GLTP: variants seen among roughly 807,000 people sequenced by gnomAD.
GLTP encodes glycolipid transfer protein.
Under a neutral mutation model 24.0 loss-of-function variants are expected in GLTP, and 22 were observed. That is an observed-to-expected ratio of 0.92 (90% CI 0.65 to 1.31). GLTP has a LOEUF of 1.31. Ranked by LOEUF, GLTP falls within the 50% of genes most tolerant of loss-of-function variation. The pLI is 0.00. For synonymous variants in GLTP, 92 were observed against 115.9 expected (o/e 0.79, Z 1.33); for missense variants, 224 against 276.6 (o/e 0.81, Z 1.35).
At chr12:109,852,964 C>T (rs570894949) in intron 4 of GLTP, among the ~76,000 whole-genome samples, 1 of 152,292 alleles carries the variant, frequency 6.6e-6, no homozygotes, top group African/African-American at 2.4e-5. Flanking sequence ...CCAGTCTGGG[C>T]CATCAACTAG....
intron 1 of GLTP, among the ~76,000 whole-genome samples, chr12:109,870,870 G>A (rs1188209403): frequency 6.6e-6 from 1 of 152,098 alleles, no homozygotes; most frequent in African/African-American, 2.4e-5. Flanking sequence ...CTGCCAGGGT[G>A]GAAAGCAGAG....
chr12:109,864,115 G>A (rs1008339308), intron 1 of GLTP, among the ~76,000 whole-genome samples: 2 of 152,154 alleles, frequency 1.3e-5, no homozygotes, highest in East Asian at 1.9e-4. Flanking sequence ...CAGAGCTCCC[G>A]CTCAACAGTA....
chr12:109,863,964 C>A (rs1032440186), intron 1 of GLTP, among the ~76,000 whole-genome samples: 1 of 152,218 alleles, frequency 6.6e-6, no homozygotes, highest in Non-Finnish European at 1.5e-5. Context: ...TTCTGAGCAG[C>A]CCTGCCCTGG....
Position 109,852,391 on chromosome 12 carries a change from A to AAAAAT in GLTP, c.*163_*164insATTTT. On this transcript the variant is annotated 3_prime_UTR_variant, in exon 5 of 5. Coordinates refer to ENST00000318348, the MANE Select transcript of GLTP (RefSeq NM_016433.4). ...AATAGACCAAAAAAAAAAAAAAAAAAGACTTAAAAAACGAGGGCTGTCCCC... is the reference window on the plus strand; with the variant it reads ...AATAGACCAAAAAAAAAAAAAAAAAAAAAATGACTTAAAAAACGAGGGCTGTCCCC... 1 of 523,426 alleles carries AAAAAT rather than the reference A, an allele frequency of 1.9e-6. No individual in the cohort carries two copies. The highest frequency in any genetic ancestry group is 3.4e-6 in the Non-Finnish European group (1 of 294,070). The allele number at this position is 523,426 out of a possible 1,614,324, so 32.4% of individuals were successfully genotyped here.
In GLTP at chr12:109,857,581, A is replaced by C. The variant is rs1892815758; in HGVS notation, c.241T>G (p.Tyr81Asp). 6.2e-7 allele frequency: 1 copy of C among 1,613,990 alleles called. No individual in the cohort carries two copies. The highest frequency in any genetic ancestry group is 2.2e-5 in the East Asian group (1 of 44,878). The change falls in exon 3 of 5, where the codon TAT becomes GAT. Residue 81 changes from tyrosine (Y) to aspartate (D), a missense_variant. By Grantham distance (160) the Tyr-to-Asp change is radical (BLOSUM62 -3). Transcript: ENST00000318348. This position sits in a 1 kb window ranked among gnomAD's most constrained non-coding sequence, Gnocchi z 4.3. ...CCTACTTTGGGCCACTCTGCTCCAT[A>C]CATTTCTTTCTCCACCTCCAGGATG... ...QNILEVEKEM[Y>D]GAEWPKVGAT... is the part of the protein sequence containing the mutation.
chr12:109,869,197 G>A (rs112810447), intron 1 of GLTP, among the ~76,000 whole-genome samples: 1 of 151,310 alleles, frequency 6.6e-6, no homozygotes, highest in South Asian at 2.1e-4. Flanking sequence ...TTTCTCAGGA[G>A]GCTGAGGCAG....
At chr12:109,876,160 T>C (rs1269315037) in intron 1 of GLTP, among the ~76,000 whole-genome samples, 1 of 151,952 alleles carries the variant, frequency 6.6e-6, no homozygotes, top group African/African-American at 2.4e-5. Flanking sequence ...CTGGCCGAAA[T>C]GGTAAAACCC....
intron 1 of GLTP, among the ~76,000 whole-genome samples, chr12:109,870,242 A>C (rs1296746356): frequency 1.3e-5 from 2 of 152,052 alleles, no homozygotes; most frequent in Non-Finnish European, 2.9e-5. Context: ...GTAGCGGACA[A>C]ATCACCTGAG....
Position 109,857,708 on chromosome 12 carries a change from A to G in GLTP, c.163-49T>C. On this transcript the variant is annotated intron_variant, in intron 2 of 4. Coordinates refer to ENST00000318348, the MANE Select transcript of GLTP (RefSeq NM_016433.4). The surrounding 1 kb of genome is among the most constrained non-coding windows in gnomAD (Gnocchi z 4.3). ...CCCCTTGGGTAAGCTGCCCCCATAG[A>G]CATCTGGCCCGCACGCTGGGTGAAA... 1 of 1,608,990 alleles carries G rather than the reference A, an allele frequency of 6.2e-7. No individual in the cohort carries two copies. Among genetic ancestry groups the G allele is most frequent in the South Asian group, 1.1e-5 (1 of 90,958 alleles).
chr12:109,859,152 T>C (rs1215333543), intron 1 of GLTP, among the ~76,000 whole-genome samples: 1 of 151,922 alleles, frequency 6.6e-6, no homozygotes, highest in Non-Finnish European at 1.5e-5. Context: ...CCTCCTGGGT[T>C]CAAGCCATCC....
chr12:109,856,543 C>A (rs1396751990), intron 3 of GLTP, among the ~76,000 whole-genome samples: 1 of 152,154 alleles, frequency 6.6e-6, no homozygotes, highest in Non-Finnish European at 1.5e-5. Flanking sequence ...ACCCTGCCTG[C>A]CTCACTGACC....
chr12:109,879,335 G>A (rs1461566067), intron 1 of GLTP, among the ~76,000 whole-genome samples: 2 of 152,154 alleles, frequency 1.3e-5, no homozygotes, highest in Non-Finnish European at 2.9e-5. Context: ...CCCTTTACCC[G>A]GGACCCAAAA....
intron 1 of GLTP, chr12:109,859,999 G>A (rs1310059414): frequency 5.9e-5 from 4 of 67,952 alleles, no homozygotes; most frequent in East Asian, 4.5e-4. Context: ...TTTTTTCCCC[G>A]AGACTTTTTG....
In GLTP at chr12:109,878,813, T is replaced by C. The variant is rs150083176; in HGVS notation, c.103+1459A>G. Reference sequence around the variant, plus strand: ...CTGGGCACTGAGGACACAGAGTGGATGTAAAAAACCAAGCCCTTGCTCTCA... The same window carrying C: ...CTGGGCACTGAGGACACAGAGTGGACGTAAAAAACCAAGCCCTTGCTCTCA... On this transcript the variant is annotated intron_variant, in intron 1 of 4. Transcript: ENST00000318348. 3.9e-4 allele frequency among the ~76,000 whole-genome samples: 60 copies of C among 152,320 alleles called. 1 individual carries two copies. The East Asian group carries it at 0.01, about 25-fold the overall frequency.
intron 4 of GLTP, among the ~76,000 whole-genome samples, chr12:109,853,886 G>A (rs1892759632): frequency 6.6e-6 from 1 of 150,988 alleles, no homozygotes; most frequent in African/African-American, 2.4e-5. Flanking sequence ...GGGACTACAG[G>A]TGCCCGCCAC....
chr12:109,856,180 C>A (rs1343627075), intron 3 of GLTP, among the ~76,000 whole-genome samples: 4 of 152,186 alleles, frequency 2.6e-5, no homozygotes, highest in African/African-American at 9.6e-5. Flanking sequence ...ACTGGGCACA[C>A]TGGCGAGACT....
intron 1 of GLTP, among the ~76,000 whole-genome samples, chr12:109,860,863 G>GTCACAGGACAT (rs1351537512): frequency 2.0e-5 from 3 of 152,132 alleles, no homozygotes; most frequent in Non-Finnish European, 2.9e-5. Flanking sequence ...AGGACATCTT[G>GTCACAGGACAT]CCCCTTACAT....
In GLTP at chr12:109,880,229, C is replaced by G. The variant is rs1015889112; in HGVS notation, c.103+43G>C. On this transcript the variant is annotated intron_variant, in intron 1 of 4. Coordinates refer to ENST00000318348, the MANE Select transcript of GLTP (RefSeq NM_016433.4). The surrounding 1 kb of genome is among the most constrained non-coding windows in gnomAD (Gnocchi z 5.1). ...GCTCGGGGGAAGGAGGATTCGGGTG[C>G]GCGTGGGGCTGCGGGCCGCCTCCCC... 5.1e-6 allele frequency: 6 copies of G among 1,167,152 alleles called. No homozygotes were observed. The highest frequency in any genetic ancestry group is 4.6e-5 in the African/African-American group (3 of 65,484). The allele number at this position is 1,167,152 out of a possible 1,614,324, so 72.3% of individuals were successfully genotyped here.
At position 109,857,342 on chromosome 12, in the gene GLTP, A is replaced by G. The variant is rs1892811885; in HGVS notation, c.296+184T>C. Among the ~76,000 whole-genome samples, 1 of 152,230 alleles carries G rather than the reference A, an allele frequency of 6.6e-6. No individual in the cohort carries two copies. Among genetic ancestry groups the G allele is most frequent in the Non-Finnish European group, 1.5e-5 (1 of 68,040 alleles). On this transcript the variant is annotated intron_variant, in intron 3 of 4. Coordinates refer to ENST00000318348, the MANE Select transcript of GLTP (RefSeq NM_016433.4). The surrounding 1 kb of genome is among the most constrained non-coding windows in gnomAD (Gnocchi z 4.3). Reference sequence around the variant, plus strand: ...CTCATATACTGATGGGACTGGAACCAGGAAGCATCACTGTCAGGCAAGCCC... The same window carrying G: ...CTCATATACTGATGGGACTGGAACCGGGAAGCATCACTGTCAGGCAAGCCC...
Sources: gnomAD v4.1 joint callset for allele counts (sites outside exome capture counted in the v4.1 genomes callset) on GRCh38, gnomAD v4.1.1 for gene constraint, Gnocchi (gnomAD v3.1) non-coding constraint, MANE v1.5 for transcripts, NCBI Gene and HGNC (gene_info 2026-07-23, HGNC 2026-07-21) for gene names.